Variants in IPO8 observed in about 807,000 individuals in gnomAD.
IPO8 encodes importin 8, also known as importin-8.
Under a neutral mutation model 141.2 loss-of-function variants are expected in IPO8, and 65 were observed. That is an observed-to-expected ratio of 0.46 (90% CI 0.38 to 0.57). IPO8 has a LOEUF of 0.57. Among genes scored for constraint, IPO8 ranks in the 20% least tolerant of loss-of-function variants. The pLI is 0.00. For synonymous variants in IPO8, 411 were observed against 420.3 expected (o/e 0.98, Z 0.27); for missense variants, 980 against 1,246.8 (o/e 0.79, Z 3.22).
Position 30,690,595 on chromosome 12 carries a change from T to C in IPO8, c.85-18A>G, listed in dbSNP as rs558065819. The C allele has an allele frequency of 1.4e-6, 2 of 1,440,508 alleles. No homozygotes were observed. Among genetic ancestry groups the C allele is most frequent in the African/African-American group, 2.9e-5 (2 of 69,478 alleles). The allele number at this position is 1,440,508 out of a possible 1,614,324, so 89.2% of individuals were successfully genotyped here. ...TTGTAGGACTGAAATTACAAAGAAA[T>C]GTTTTATAAAATAGGGCAATATAAG... On this transcript the variant is annotated intron_variant, in intron 1 of 24. Transcript: ENST00000256079.
intron 20 of IPO8, among the ~76,000 whole-genome samples, chr12:30,644,844 G>C (rs562315848): frequency 3.3e-5 from 5 of 151,090 alleles, no homozygotes; most frequent in Non-Finnish European, 7.4e-5. Context: ...GTAGAGACAG[G>C]GTTTCACCAT....
intron 13 of IPO8, 131 bp from the exon 14 acceptor site, chr12:30,663,785 A>T: frequency 1.6e-6 from 1 of 608,178 alleles, no homozygotes; most frequent in East Asian, 3.4e-5. Context: ...GTAACACAGT[A>T]GCCTTAGTTT....
intron 19 of IPO8, among the ~76,000 whole-genome samples, chr12:30,651,853 T>A (rs1333971739): frequency 1.3e-5 from 2 of 152,162 alleles, no homozygotes; most frequent in East Asian, 3.9e-4. Context: ...AATATATACA[T>A]TAAATTAAAA....
intron 22 of IPO8, among the ~76,000 whole-genome samples, chr12:30,636,011 A>G (rs1413925782): frequency 6.6e-6 from 1 of 152,096 alleles, no homozygotes; most frequent in Non-Finnish European, 1.5e-5. Context: ...ACAGTTAGCT[A>G]AAAACAAAAC....
At chr12:30,693,301 A>C (rs1282019846) in intron 1 of IPO8, among the ~76,000 whole-genome samples, 1 of 152,250 alleles carries the variant, frequency 6.6e-6, no homozygotes, top group African/African-American at 2.4e-5. Flanking sequence ...ACATTTTCCC[A>C]CAGAAACAAT....
rs556702516 is a variant in IPO8, at chr12:30,670,899, C to G, written c.1044+63G>C. On this transcript the variant is annotated intron_variant, in intron 9 of 24. Transcript: ENST00000256079. ...TAAAATATAGGATTAGTAATACTAA[C>G]TTTGTCTAGAAAACCTAATTTAACC... 451 of 1,420,078 alleles carry G rather than the reference C, an allele frequency of 3.2e-4. 1 individual carries two copies. Among genetic ancestry groups the G allele is most frequent in the Admixed American group, 8.5e-4 (43 of 50,670 alleles). 88.0% of individuals were successfully genotyped at this position (1,420,078 alleles called of 1,614,324 possible).
chr12:30,693,998 T>C (rs1423586662), intron 1 of IPO8, among the ~76,000 whole-genome samples: 1 of 152,208 alleles, frequency 6.6e-6, no homozygotes, highest in Non-Finnish European at 1.5e-5. Context: ...TTTCCACTTC[T>C]ATAACATCAA....
At chr12:30,652,875 T>C in intron 18 of IPO8, 92 bp downstream of exon 18, 1 of 1,170,334 alleles carries the variant, frequency 8.5e-7, no homozygotes, top group South Asian at 1.5e-5. Context: ...TTCTGATCAA[T>C]ATTGGAATCA....
chr12:30,660,147 C>T (rs535937362), intron 16 of IPO8, among the ~76,000 whole-genome samples: 4 of 152,186 alleles, frequency 2.6e-5, no homozygotes, highest in South Asian at 2.1e-4. Context: ...TGCTTGAACC[C>T]GGAAGGTGGA....
At chr12:30,684,067 T>C (rs1241814377) in intron 3 of IPO8, among the ~76,000 whole-genome samples, 1 of 152,210 alleles carries the variant, frequency 6.6e-6, no homozygotes, top group African/African-American at 2.4e-5. Flanking sequence ...TTTTTAAATC[T>C]TACCTCTTTT....
intron 5 of IPO8, among the ~76,000 whole-genome samples, chr12:30,679,932 C>G (rs1211619176): frequency 6.6e-6 from 1 of 152,030 alleles, no homozygotes; most frequent in Non-Finnish European, 1.5e-5. Flanking sequence ...TATTCCATCT[C>G]TATCTTCTCA....
Position 30,632,802 on chromosome 12 carries a change from C to T in IPO8, c.2900-791G>A, listed in dbSNP as rs375044181. 4.7e-4 allele frequency among the ~76,000 whole-genome samples: 72 copies of T among 152,280 alleles called. No homozygotes were observed. In the East Asian group the frequency reaches 0.011, roughly 23 times the overall value. On this transcript the variant is annotated intron_variant, in intron 23 of 24. Coordinates refer to ENST00000256079, the MANE Select transcript of IPO8 (RefSeq NM_006390.4). ...TGAATTACCACATCTAAAAGGTCAC[C>T]GCCTCAGAACACAACTTTCAACGCT...
intron 7 of IPO8, 44 bp downstream of exon 7, chr12:30,674,615 A>AT: frequency 1.5e-6 from 2 of 1,328,558 alleles, no homozygotes; most frequent in Non-Finnish European, 2.2e-6. Context: ...TCTGATACTG[A>AT]GATACTGGCT....
intron 10 of IPO8, among the ~76,000 whole-genome samples, chr12:30,667,299 G>A (rs1449819297): frequency 6.6e-6 from 1 of 152,088 alleles, no homozygotes; most frequent in Non-Finnish European, 1.5e-5. Flanking sequence ...TTTTAGAGAG[G>A]TTAAGTAACC....
intron 10 of IPO8, among the ~76,000 whole-genome samples, chr12:30,667,946 G>T (rs2052990391): frequency 6.6e-6 from 1 of 152,050 alleles, no homozygotes. Context: ...AACCAGCCTG[G>T]GAAATACAGG....
At position 30,668,598 on chromosome 12, in the gene IPO8, A is replaced by G. The variant is rs377028772; in HGVS notation, c.1144+585T>C. Among the ~76,000 whole-genome samples the G allele has an allele frequency of 2.7e-3, 410 of 152,346 alleles. 1 individual carries two copies. The highest frequency in any genetic ancestry group is 9.3e-3 in the African/African-American group (388 of 41,574). On this transcript the variant is annotated intron_variant, in intron 10 of 24. Transcript: ENST00000256079. ...TAGGTATGCAAATTAATATTTTGCT[A>G]TGTTAAGTGCTTGAGTGTTCCATGA...
intron 2 of IPO8, among the ~76,000 whole-genome samples, chr12:30,685,409 G>A (rs2053230524): frequency 6.6e-6 from 1 of 151,494 alleles, no homozygotes; most frequent in African/African-American, 2.4e-5. Context: ...AAAGTGCTAG[G>A]ATTACAGGTG....
At chr12:30,673,561 T>C (rs2053079839) in intron 8 of IPO8, among the ~76,000 whole-genome samples, 1 of 152,216 alleles carries the variant, frequency 6.6e-6, no homozygotes, top group South Asian at 2.1e-4. Context: ...GCTAAGAGTC[T>C]TGACGTCTAG....
intron 13 of IPO8, among the ~76,000 whole-genome samples, chr12:30,664,190 T>C (rs2052929139): frequency 6.6e-6 from 1 of 152,232 alleles, no homozygotes; most frequent in African/African-American, 2.4e-5. Context: ...AAATTAATTC[T>C]AGTTACTAAA....
Sources: gnomAD v4.1 joint callset for allele counts (sites outside exome capture counted in the v4.1 genomes callset) on GRCh38, gnomAD v4.1.1 for gene constraint, MANE v1.5 for transcripts, NCBI Gene and HGNC (gene_info 2026-07-23, HGNC 2026-07-21) for gene names.